The following RBM47 variants were observed in gnomAD, a reference collection of about 807,000 sequenced individuals.
The protein encoded by RBM47 is RNA-binding protein 47.
Under a neutral mutation model 47.1 loss-of-function variants are expected in RBM47, and 21 were observed. The observed-to-expected ratio is 0.45, with a 90% CI of 0.32 to 0.64. The LOEUF is 0.64. Ranked by LOEUF, RBM47 falls within the 30% of genes least tolerant of loss-of-function variation. The pLI is 0.05. For missense variants in RBM47, 708 were observed against 870.9 expected (o/e 0.81, Z 2.35); for synonymous variants, 375 against 361.7 (o/e 1.04, Z -0.42).
intron 1 of RBM47, among the ~76,000 whole-genome samples, chr4:40,617,862 T>G (rs1309148013): frequency 6.6e-6 from 1 of 152,026 alleles, no homozygotes; most frequent in Non-Finnish European, 1.5e-5. Flanking sequence ...ATTTTGTCAT[T>G]TGTGGTATAA....
intron 3 of RBM47, among the ~76,000 whole-genome samples, chr4:40,441,180 T>TA (rs1465846810): frequency 1.3e-5 from 2 of 151,418 alleles, no homozygotes; most frequent in East Asian, 3.9e-4. Context: ...TCCCAGCTCT[T>TA]AGGGAGGCAG....
intron 1 of RBM47, among the ~76,000 whole-genome samples, chr4:40,616,353 CAAA>C (rs371710118): frequency 3.0e-5 from 2 of 65,716 alleles, no homozygotes; most frequent in Non-Finnish European, 3.0e-5. Flanking sequence ...GACTCTGTCT[CAAA>C]AAAAAAAAAA....
chr4:40,525,651 A>G (rs1400624354), intron 2 of RBM47, among the ~76,000 whole-genome samples: 1 of 148,842 alleles, frequency 6.7e-6, no homozygotes, highest in Non-Finnish European at 1.5e-5. Context: ...AGGGGAAAAA[A>G]AGGATAAATA....
At chr4:40,479,974 C>CCTT (rs1720147349) in intron 2 of RBM47, among the ~76,000 whole-genome samples, 1 of 99,314 alleles carries the variant, frequency 1.0e-5, no homozygotes. Context: ...GTATCATCTC[C>CCTT]ATTTTTTTTT....
intron 1 of RBM47, among the ~76,000 whole-genome samples, chr4:40,573,807 A>AAGAAAAGAAAGAAAGAAAGAAAGAAAG (rs1553903539): frequency 7.3e-6 from 1 of 136,662 alleles, no homozygotes; most frequent in African/African-American, 3.0e-5. Flanking sequence ...GAAAGAAAGA[A>AAGAAAAGAAAGAAAGAAAGAAAGAAAG]AAAGAAAGAA....
At chr4:40,517,991 A>C (rs544784197) in intron 2 of RBM47, among the ~76,000 whole-genome samples, 1 of 152,160 alleles carries the variant, frequency 6.6e-6, no homozygotes, top group Non-Finnish European at 1.5e-5. Flanking sequence ...AAGGATCACT[A>C]TATAAACAAA....
chr4:40,560,721 C>T (rs943617133), intron 1 of RBM47, among the ~76,000 whole-genome samples: 4 of 152,182 alleles, frequency 2.6e-5, no homozygotes, highest in African/African-American at 9.6e-5. Flanking sequence ...AATCCCAGCA[C>T]TTTGGGAGGC....
intron 2 of RBM47, among the ~76,000 whole-genome samples, chr4:40,529,419 G>A (rs1177309761): frequency 1.3e-5 from 2 of 149,940 alleles, no homozygotes; most frequent in East Asian, 2.0e-4. Flanking sequence ...AGGAGGCTGA[G>A]GCAGGAGAAT....
chr4:40,477,786 T>C (rs1719828035), intron 2 of RBM47, among the ~76,000 whole-genome samples: 1 of 152,130 alleles, frequency 6.6e-6, no homozygotes, highest in South Asian at 2.1e-4. Context: ...AAATAAAAAA[T>C]GAGCAAATTT....
At chr4:40,466,209 AG>A (rs1717987273) in intron 3 of RBM47, among the ~76,000 whole-genome samples, 1 of 150,020 alleles carries the variant, frequency 6.7e-6, no homozygotes, top group African/African-American at 2.5e-5. Flanking sequence ...TGAAGGCTGC[AG>A]TGAGCTGAGA....
intron 1 of RBM47, among the ~76,000 whole-genome samples, chr4:40,556,540 T>G (rs1011754414): frequency 2.0e-5 from 3 of 151,974 alleles, no homozygotes; most frequent in African/African-American, 7.3e-5. Flanking sequence ...TGCTATTACT[T>G]TTAATGGCAA....
chr4:40,544,956 G>A (rs748133708), intron 1 of RBM47, among the ~76,000 whole-genome samples: 1 of 151,908 alleles, frequency 6.6e-6, no homozygotes, highest in Non-Finnish European at 1.5e-5. Flanking sequence ...CTTGTTGGAG[G>A]AGCTGAGGCG....
chr4:40,582,095 C>T (rs1222147822), intron 1 of RBM47, among the ~76,000 whole-genome samples: 1 of 152,116 alleles, frequency 6.6e-6, no homozygotes, highest in Non-Finnish European at 1.5e-5. Context: ...TCCCAGAACC[C>T]ATCTCGAATC....
chr4:40,447,432 G>A (rs756957424), intron 3 of RBM47, among the ~76,000 whole-genome samples: 1 of 152,194 alleles, frequency 6.6e-6, no homozygotes, highest in African/African-American at 2.4e-5. Flanking sequence ...TCTTTTTAGC[G>A]TTTGTTCAGA....
At chr4:40,435,755 C>G (rs1003504305) in intron 5 of RBM47, among the ~76,000 whole-genome samples, 53 of 152,192 alleles carry the variant, frequency 3.5e-4, no homozygotes, top group African/African-American at 1.3e-3. Context: ...CAGGTTTTAC[C>G]TGATAGAAGA....
chr4:40,481,841 C>T (rs1221351579), intron 2 of RBM47, among the ~76,000 whole-genome samples: 6 of 152,202 alleles, frequency 3.9e-5, no homozygotes, highest in African/African-American at 7.2e-5. Flanking sequence ...CGTGAGCCTC[C>T]GCATCCAGCC....
chr4:40,467,589 C>A (rs1000642024), intron 2 of RBM47, among the ~76,000 whole-genome samples: 1 of 152,016 alleles, frequency 6.6e-6, no homozygotes, highest in Non-Finnish European at 1.5e-5. Context: ...CTGTACTCGG[C>A]AGAGTCAAGA....
chr4:40,498,054 TTATATATATATATATA>T (rs6148409), intron 2 of RBM47, among the ~76,000 whole-genome samples: 2 of 109,880 alleles, frequency 1.8e-5, no homozygotes, highest in South Asian at 2.7e-4. Flanking sequence ...AGTGCTTGTT[TTATATATATATATATA>T]TATATATATG....
At chr4:40,624,958 T>C (rs1737604786) in intron 1 of RBM47, among the ~76,000 whole-genome samples, 1 of 150,592 alleles carries the variant, frequency 6.6e-6, no homozygotes, top group Non-Finnish European at 1.5e-5. Flanking sequence ...CAAGCGATTC[T>C]CCTGCCTCAG....
Sources: gnomAD v4.1 joint callset for allele counts (sites outside exome capture counted in the v4.1 genomes callset) on GRCh38, gnomAD v4.1.1 for gene constraint, MANE v1.5 for transcripts, NCBI Gene and HGNC (gene_info 2026-07-23, HGNC 2026-07-21) for gene names.